The following AKAP9 variants were observed in gnomAD, a reference collection of about 807,000 sequenced individuals.
The protein encoded by AKAP9 is A-kinase anchoring protein 9.
AKAP9 carries 311 observed loss-of-function variants against 488.5 expected under a neutral mutation model. The observed-to-expected ratio is 0.64, with a 90% CI of 0.58 to 0.70. AKAP9 has a LOEUF of 0.70. Ranked by LOEUF, AKAP9 falls within the 30% of genes least tolerant of loss-of-function variation. The probability of loss-of-function intolerance (pLI) is 0.00; values close to 1 mark genes in which losing one functional copy is unlikely to be tolerated. For missense variants in AKAP9, 4,215 were observed against 4,374.5 expected (o/e 0.96, Z 1.03); for synonymous variants, 1,462 against 1,483.5 (o/e 0.99, Z 0.33).
Position 92,105,743 on chromosome 7 carries a change from A to G in AKAP9, c.11396A>G (p.Asp3799Gly). 2 of 1,614,086 alleles carry G rather than the reference A, an allele frequency of 1.2e-6. No individual in the cohort carries two copies. The highest frequency in any genetic ancestry group is 1.7e-6 in the Non-Finnish European group (2 of 1,179,912). The change falls in exon 47 of 50, where the codon GAT (aspartate) becomes GGT (glycine). Residue 3799 changes from aspartate (D) to glycine (G), a missense_variant. Around this residue, in one of 5 missense-constraint regions of AKAP9, gnomAD observed 253 missense variants for 266.8 expected, o/e 0.95. Transcript: ENST00000356239. ...TGSVSININRDGFGLNQGAEK... is the reference protein window; with the variant it reads ...TGSVSININRGGFGLNQGAEK... ...TCTGTTTCCATCAATATTAACAGAG[A>G]TGGCTTTGGACTGAATCAAGGTGAA...
intron 1 of AKAP9, among the ~76,000 whole-genome samples, chr7:91,953,145 C>G (rs1792475789): frequency 6.6e-6 from 1 of 152,120 alleles, no homozygotes; most frequent in Admixed American, 6.6e-5. Context: ...AGAGGGGATA[C>G]ATCAGTAAAT....
chr7:92,054,541 G>C (rs1182602133), intron 22 of AKAP9, among the ~76,000 whole-genome samples: 1 of 151,284 alleles, frequency 6.6e-6, no homozygotes, highest in Non-Finnish European at 1.5e-5. Flanking sequence ...GGGAGTTGAT[G>C]CTTAAGATGT....
intron 38 of AKAP9, 132 bp downstream of exon 38, chr7:92,089,661 GA>G: frequency 9.6e-7 from 1 of 1,041,742 alleles, no homozygotes; most frequent in African/African-American, 1.6e-5. Flanking sequence ...TAATGTTAAG[GA>G]TACAATCTAT....
At position 92,084,911 on chromosome 7, in the gene AKAP9, G is replaced by C; in HGVS notation, c.8803G>C (p.Ala2935Pro). Residue 2935 changes from alanine to proline, a missense_variant, in exon 35 of 50, where the codon GCA becomes CCA. By Grantham distance (27) the Ala-to-Pro change is conservative. Coordinates refer to ENST00000356239, the MANE Select transcript of AKAP9 (RefSeq NM_005751.5). The part of the protein sequence containing the change: ...SEGRGEESES[A>P]TDSFPKKIKG... ...AGGCCGAGGAGAAGAAAGTGAAAGT[G>C]CAACAGATTCCTTTCCAAAGAAAAT... 6.2e-7 allele frequency: 1 copy of C among 1,613,370 alleles called. No homozygotes were observed. The highest frequency in any genetic ancestry group is 1.1e-5 in the South Asian group (1 of 91,020).
intron 1 of AKAP9, among the ~76,000 whole-genome samples, chr7:91,972,801 A>C (rs1795251657): frequency 6.6e-6 from 1 of 152,336 alleles, no homozygotes; most frequent in East Asian, 1.9e-4. Context: ...CATGTTAAGT[A>C]AATGATACAT....
At chr7:92,042,400 C>A (rs539037433) in intron 19 of AKAP9, among the ~76,000 whole-genome samples, 4 of 152,130 alleles carry the variant, frequency 2.6e-5, no homozygotes, top group African/African-American at 9.7e-5. Context: ...TATTGTTTCA[C>A]CAAAGAGAAC....
At chr7:91,969,801 A>G (rs1177078479) in intron 1 of AKAP9, among the ~76,000 whole-genome samples, 1 of 152,134 alleles carries the variant, frequency 6.6e-6, no homozygotes, top group Non-Finnish European at 1.5e-5. Context: ...CGCATTCTTA[A>G]TAGGCGAAGT....
At chr7:92,094,554 G>A (rs971519018) in intron 39 of AKAP9, among the ~76,000 whole-genome samples, 6 of 151,558 alleles carry the variant, frequency 4.0e-5, no homozygotes, top group Admixed American at 2.0e-4. Flanking sequence ...AAAAAAGAGG[G>A]CCGGGCGCGG....
Position 92,038,487 on chromosome 7 carries a change from A to G in AKAP9, c.4407A>G (p.Glu1469=). ...TGTCTAGAATATCTGGGGGAAAAGA[A>G]AATACTGCATCATCAAAGCAAGCAC... ...TELSRISGGK[E]NTASSKQAHA... Residue 1469 remains glutamate (E), a synonymous_variant, in exon 17 of 50, where the codon GAA becomes GAG. Coordinates refer to ENST00000356239, the MANE Select transcript of AKAP9 (RefSeq NM_005751.5). 6.2e-7 allele frequency: 1 copy of G among 1,613,988 alleles called. No homozygotes were observed.
intron 14 of AKAP9, among the ~76,000 whole-genome samples, chr7:92,028,295 T>TA (rs57352733): frequency 1.5e-3 from 95 of 65,082 alleles, no homozygotes; most frequent in South Asian, 1.7e-3. Flanking sequence ...CAATAAATAC[T>TA]AAAAAAAAAA....
At chr7:91,979,625 T>A (rs1394858394) in intron 2 of AKAP9, among the ~76,000 whole-genome samples, 4 of 152,190 alleles carry the variant, frequency 2.6e-5, no homozygotes, top group Non-Finnish European at 4.4e-5. Flanking sequence ...AAAGTTTAAT[T>A]GATAAATTAG....
At chr7:92,049,473 T>G (rs1807542979) in intron 21 of AKAP9, among the ~76,000 whole-genome samples, 2 of 151,730 alleles carry the variant, frequency 1.3e-5, no homozygotes, top group Non-Finnish European at 1.5e-5. Flanking sequence ...TAGCCAGGCG[T>G]GGTGGTGGGC....
chr7:91,946,133 C>T (rs990186605), intron 1 of AKAP9, among the ~76,000 whole-genome samples: 2 of 152,156 alleles, frequency 1.3e-5, no homozygotes, highest in Non-Finnish European at 2.9e-5. Context: ...TTATTGATAG[C>T]AGGACTTTTC....
chr7:91,942,020 G>A (rs1482203476), intron 1 of AKAP9, among the ~76,000 whole-genome samples: 6 of 152,016 alleles, frequency 3.9e-5, no homozygotes, highest in Admixed American at 1.3e-4. Context: ...TATAAGCTGC[G>A]TAGCATATTT....
At chr7:91,947,363 G>A (rs1227804943) in intron 1 of AKAP9, among the ~76,000 whole-genome samples, 1 of 151,774 alleles carries the variant, frequency 6.6e-6, no homozygotes, top group Non-Finnish European at 1.5e-5. Context: ...TTCCCCCCGA[G>A]ATGGAGTCTC....
At chr7:91,992,357 C>T in intron 4 of AKAP9, 146 bp downstream of exon 4, 1 of 737,936 alleles carries the variant, frequency 1.4e-6, no homozygotes. Context: ...AAGTTATCTA[C>T]CATTTATTAT....
chr7:91,949,640 T>C (rs1562882457), intron 1 of AKAP9, among the ~76,000 whole-genome samples: 3 of 152,220 alleles, frequency 2.0e-5, no homozygotes, highest in Non-Finnish European at 2.9e-5. Context: ...AAACTGTAAC[T>C]TACAACACTT....
Position 92,093,326 on chromosome 7 carries a change from G to T in AKAP9, c.9578+10G>T. The T allele has an allele frequency of 6.2e-7, 1 of 1,612,606 alleles. No individual in the cohort carries two copies. Among genetic ancestry groups the T allele is most frequent in the Non-Finnish European group, 8.5e-7 (1 of 1,179,056 alleles). On this transcript the variant is annotated intron_variant, in intron 39 of 49. Transcript: ENST00000356239. ...AATTGGAGGCTTTCAGGTGTGCCAG[G>T]CTTCCTTATTAAAAACATGTAACAA...
At position 92,097,148 on chromosome 7, in the gene AKAP9, G is replaced by C. The variant is rs1380376587; in HGVS notation, c.10189G>C (p.Ala3397Pro). The C allele has an allele frequency of 6.2e-7, 1 of 1,614,186 alleles. No individual in the cohort carries two copies. The highest frequency in any genetic ancestry group is 8.5e-7 in the Non-Finnish European group (1 of 1,180,028). The stretch of plus-strand genomic sequence containing the variant: ...GAAAACACTGCAGACAGAACAGGAG[G>C]CCAACACTGAGGGACAGAAAAAAAT... ...HRKTLQTEQE[A>P]NTEGQKKMHE... Residue 3397 changes from alanine (A) to proline (P), a missense_variant, in exon 41 of 50, where the codon GCC becomes CCC. Transcript: ENST00000356239.
Sources: gnomAD v4.1 joint callset for allele counts (sites outside exome capture counted in the v4.1 genomes callset) on GRCh38, gnomAD v4.1.1 for gene constraint, gnomAD v4.1.1 regional missense constraint, MANE v1.5 for transcripts, NCBI Gene and HGNC (gene_info 2026-07-23, HGNC 2026-07-21) for gene names.